The following IQGAP2 variants were observed in gnomAD, a reference collection of about 807,000 sequenced individuals.
IQGAP2 encodes IQ motif containing GTPase activating protein 2.
In IQGAP2, 173 loss-of-function variants were observed where a neutral mutation model predicts 201.3. That is an observed-to-expected ratio of 0.86 (90% CI 0.76 to 0.98). The LOEUF is 0.98. IQGAP2 is among the 50% of genes least tolerant of loss of function. The pLI, the probability that IQGAP2 is intolerant of heterozygous loss-of-function variation, is 0.00. For synonymous variants in IQGAP2, 675 were observed against 673.9 expected (o/e 1.00, Z -0.03); for missense variants, 1,687 against 1,864.8 (o/e 0.90, Z 1.76).
At chr5:76,571,286 C>T (rs1745099422) in intron 4 of IQGAP2, among the ~76,000 whole-genome samples, 1 of 152,116 alleles carries the variant, frequency 6.6e-6, no homozygotes. Context: ...ATTCTCCTAT[C>T]TCTGCCTCCC....
At chr5:76,701,272 G>A in intron 34 of IQGAP2, 59 bp downstream of exon 34, 1 of 1,547,258 alleles carries the variant, frequency 6.5e-7, no homozygotes, top group Non-Finnish European at 8.9e-7. Context: ...TTGTGGCCTT[G>A]GAGAGAGCTC....
intron 2 of IQGAP2, among the ~76,000 whole-genome samples, chr5:76,540,069 TTC>T (rs1444601636): frequency 2.0e-5 from 3 of 151,964 alleles, no homozygotes; most frequent in Non-Finnish European, 4.4e-5. Flanking sequence ...GAATTGGAGG[TTC>T]AAAGCGCCCC....
At chr5:76,557,554 T>C (rs560205018) in intron 2 of IQGAP2, among the ~76,000 whole-genome samples, 2 of 152,378 alleles carry the variant, frequency 1.3e-5, no homozygotes, top group South Asian at 4.1e-4. Flanking sequence ...TCTTTGGCAA[T>C]ATCTTAAAAT....
chr5:76,593,183 A>G (rs1227607455), intron 9 of IQGAP2, among the ~76,000 whole-genome samples: 1 of 152,158 alleles, frequency 6.6e-6, no homozygotes, highest in Non-Finnish European at 1.5e-5. Flanking sequence ...TACATTCCAC[A>G]TTTTAATTCT....
chr5:76,654,475 G>C (rs1752754464), intron 19 of IQGAP2, among the ~76,000 whole-genome samples: 1 of 152,208 alleles, frequency 6.6e-6, no homozygotes, highest in Non-Finnish European at 1.5e-5. Context: ...TCACCAGTCA[G>C]GACTCGATAG....
At chr5:76,689,734 A>T (rs1330077694) in intron 30 of IQGAP2, among the ~76,000 whole-genome samples, 1 of 152,184 alleles carries the variant, frequency 6.6e-6, no homozygotes, top group Non-Finnish European at 1.5e-5. Flanking sequence ...GGCTAAGGTG[A>T]TATTTGAGGT....
intron 21 of IQGAP2, among the ~76,000 whole-genome samples, chr5:76,664,556 G>A (rs1743564160): frequency 1.3e-5 from 2 of 152,154 alleles, no homozygotes; most frequent in African/African-American, 4.8e-5. Flanking sequence ...GGAGGCGCGT[G>A]CCTGTAGTTC....
At chr5:76,615,759 G>T (rs1380599297) in intron 13 of IQGAP2, 1 of 83,390 alleles carries the variant, frequency 1.2e-5, no homozygotes, top group East Asian at 2.6e-4. Context: ...GAATATAATG[G>T]GTATTAATAA....
rs1580865837 is a variant in IQGAP2, at chr5:76,702,730, G to C, written c.4614+140G>C. 11 of 401,388 alleles carry C rather than the reference G, an allele frequency of 2.7e-5. No homozygotes were observed. In the East Asian group the frequency reaches 3.4e-4, roughly 12 times the overall value. The allele number at this position is 401,388 out of a possible 1,614,324, so 24.9% of individuals were successfully genotyped here. On this transcript the variant is annotated intron_variant, in intron 35 of 35. Transcript: ENST00000274364. The stretch of plus-strand genomic sequence containing the variant: ...AGCCTTATTTGCCAATATTTGTTAA[G>C]TGTTGATGATTTTTAAGAGCTGTGA...
At chr5:76,445,140 G>A (rs1310869058) in intron 1 of IQGAP2, among the ~76,000 whole-genome samples, 1 of 152,158 alleles carries the variant, frequency 6.6e-6, no homozygotes, top group Admixed American at 6.5e-5. Flanking sequence ...GTGAGCAATA[G>A]CATCTGTTAC....
chr5:76,659,561 G>A (rs971833976), intron 21 of IQGAP2, among the ~76,000 whole-genome samples: 4 of 152,192 alleles, frequency 2.6e-5, no homozygotes, highest in African/African-American at 9.7e-5. Context: ...TAGCTTTTGT[G>A]TGGGGAAAAT....
At chr5:76,628,558 C>T (rs902636486) in intron 14 of IQGAP2, 1 of 320,460 alleles carries the variant, frequency 3.1e-6, no homozygotes, top group Non-Finnish European at 6.1e-6. Flanking sequence ...TACTAACATT[C>T]TCCATATATA....
intron 17 of IQGAP2, among the ~76,000 whole-genome samples, chr5:76,647,633 C>T (rs1370688333): frequency 1.3e-5 from 2 of 152,112 alleles, no homozygotes; most frequent in African/African-American, 4.8e-5. Context: ...CCTCCCCAGC[C>T]ACATGGAACT....
intron 34 of IQGAP2, 95 bp downstream of exon 34, chr5:76,701,308 C>T (rs905647456): frequency 2.6e-6 from 3 of 1,133,016 alleles, no homozygotes; most frequent in Non-Finnish European, 3.9e-6. Context: ...GGCTTAACCT[C>T]AATTACTGAT....
chr5:76,452,722 C>A (rs771171146), intron 1 of IQGAP2, among the ~76,000 whole-genome samples: 5 of 152,102 alleles, frequency 3.3e-5, no homozygotes, highest in Admixed American at 2.0e-4. Flanking sequence ...CAAGCATTTA[C>A]ATGCAGGGAG....
chr5:76,561,126 G>A (rs1325782638), intron 2 of IQGAP2, among the ~76,000 whole-genome samples: 1 of 152,120 alleles, frequency 6.6e-6, no homozygotes, highest in Admixed American at 6.5e-5. Flanking sequence ...TACTCAGAAC[G>A]ATATGCAATT....
At chr5:76,540,197 A>G (rs1394195308) in intron 2 of IQGAP2, among the ~76,000 whole-genome samples, 3 of 152,182 alleles carry the variant, frequency 2.0e-5, no homozygotes, top group Non-Finnish European at 4.4e-5. Context: ...CACCTAAGAA[A>G]TGGACGGTCA....
In IQGAP2 at chr5:76,608,905, C is replaced by G. The variant is rs555386167; in HGVS notation, c.1358-2115C>G. 7.4e-5 allele frequency: 38 copies of G among 510,472 alleles called. No individual in the cohort carries two copies. The South Asian group carries it at 9.1e-4, about 12-fold the overall frequency. 31.6% of individuals were successfully genotyped at this position (510,472 alleles called of 1,614,324 possible). A position where few individuals can be genotyped will look rare whatever the true frequency, so the allele number is the denominator to read the frequency against. Reference sequence around the variant, plus strand: ...CATGAACTCTAAAAGAACGCCCACTCTCTTGTGGACTAGAATGTTATAGTA... The same window carrying G: ...CATGAACTCTAAAAGAACGCCCACTGTCTTGTGGACTAGAATGTTATAGTA... On this transcript the variant is annotated intron_variant, in intron 12 of 35. Coordinates refer to ENST00000274364, the MANE Select transcript of IQGAP2 (RefSeq NM_006633.5).
At chr5:76,512,409 C>T (rs548088645) in intron 2 of IQGAP2, among the ~76,000 whole-genome samples, 3 of 152,290 alleles carry the variant, frequency 2.0e-5, no homozygotes, top group Non-Finnish European at 2.9e-5. Flanking sequence ...CAAGTTTACA[C>T]GTGCTAACCT....
Sources: gnomAD v4.1 joint callset for allele counts (sites outside exome capture counted in the v4.1 genomes callset) on GRCh38, gnomAD v4.1.1 for gene constraint, MANE v1.5 for transcripts, NCBI Gene and HGNC (gene_info 2026-07-23, HGNC 2026-07-21) for gene names.